ARSJ: variants seen among roughly 807,000 people sequenced by gnomAD.
The protein encoded by ARSJ is arylsulfatase J.
A neutral mutation model predicts 35.9 loss-of-function variants in ARSJ; 26 were observed. The observed-to-expected ratio is 0.72, with a 90% CI of 0.53 to 1.00. The LOEUF (loss-of-function observed/expected upper bound fraction) is 1.00, where lower values mean the gene tolerates loss of function less well. Among genes scored for constraint, ARSJ ranks in the 50% least tolerant of loss-of-function variants. The pLI, the probability that ARSJ is intolerant of heterozygous loss-of-function variation, is 0.00. For missense variants in ARSJ, 667 were observed against 723.6 expected (o/e 0.92, Z 0.90); for synonymous variants, 294 against 267.6 (o/e 1.10, Z -0.96).
Position 113,978,667 on chromosome 4 carries a change from C to T in ARSJ, c.168G>A (p.Gly56=). 6.2e-7 allele frequency: 1 copy of T among 1,614,212 alleles called. No individual in the cohort carries two copies. The highest frequency in any genetic ancestry group is 1.3e-5 in the African/African-American group (1 of 75,064). The stretch of plus-strand genomic sequence containing the variant: ...TCTCTCCAGCTTGAGCTAGTAAGGC[C>T]CCTTCTTCCTCCTCTTCTAAGGCCT... ...WGQALEEEEE[G]ALLAQAGEKL... is the part of the protein sequence containing the mutation. Residue 56 remains glycine, a synonymous_variant, in exon 1 of 2, where the codon GGG becomes GGA. Transcript: ENST00000315366.
chr4:113,905,900 T>A (rs2149248469), intron 1 of ARSJ, among the ~76,000 whole-genome samples: 1 of 152,170 alleles, frequency 6.6e-6, no homozygotes, highest in South Asian at 2.1e-4. Flanking sequence ...ACTTCTGACC[T>A]CAGGTGATTC....
intron 1 of ARSJ, among the ~76,000 whole-genome samples, chr4:113,906,128 AG>A (rs1261825264): frequency 6.6e-6 from 1 of 152,236 alleles, no homozygotes; most frequent in Non-Finnish European, 1.5e-5. Context: ...GGAAACTTGG[AG>A]GAAATTAAAA....
At chr4:113,929,765 C>T (rs1338592536) in intron 1 of ARSJ, among the ~76,000 whole-genome samples, 1 of 152,126 alleles carries the variant, frequency 6.6e-6, no homozygotes, top group Non-Finnish European at 1.5e-5. Context: ...AGCCATGGGA[C>T]AGAATCTCTT....
chr4:113,946,179 T>A (rs1725468036), intron 1 of ARSJ: 3 of 152,096 alleles, frequency 2.0e-5, no homozygotes, highest in Admixed American at 2.0e-4. Context: ...TTTCTAGTTG[T>A]CTTTTTCTTC....
rs775066916 is a variant in ARSJ, at chr4:113,903,432, A to C, written c.642T>G (p.Ser214Arg). ...ACAAGTCATAGCCACACATCCCAGGACTGTCACATTTGTAGTGTGTATAGT... is the reference window on the plus strand; with the variant it reads ...ACAAGTCATAGCCACACATCCCAGGCCTGTCACATTTGTAGTGTGTATAGT... The part of the protein sequence containing the change: ...GDYYTHYKCD[S>R]PGMCGYDLYE... Residue 214 changes from serine to arginine, a missense_variant, in exon 2 of 2, where the codon AGT becomes AGG. Coordinates refer to ENST00000315366, the MANE Select transcript of ARSJ (RefSeq NM_024590.4). 1 of 1,614,038 alleles carries C rather than the reference A, an allele frequency of 6.2e-7. No homozygotes were observed. The highest frequency in any genetic ancestry group is 8.5e-7 in the Non-Finnish European group (1 of 1,180,030).
chr4:113,977,458 C>G (rs1727657365), intron 1 of ARSJ, among the ~76,000 whole-genome samples: 1 of 152,148 alleles, frequency 6.6e-6, no homozygotes, highest in African/African-American at 2.4e-5. Context: ...GGATCCAATT[C>G]CAAGAACAAC....
chr4:113,930,514 G>A (rs1464773110), intron 1 of ARSJ, among the ~76,000 whole-genome samples: 1 of 152,074 alleles, frequency 6.6e-6, no homozygotes, highest in African/African-American at 2.4e-5. Flanking sequence ...CAATCAAACT[G>A]ACACCCCATA....
chr4:113,957,094 C>T (rs1297160900), intron 1 of ARSJ, among the ~76,000 whole-genome samples: 5 of 151,864 alleles, frequency 3.3e-5, no homozygotes, highest in Admixed American at 2.6e-4. Flanking sequence ...TAATCAATGC[C>T]GTTAATAATT....
At chr4:113,936,992 CAA>C (rs1232464468) in intron 1 of ARSJ, among the ~76,000 whole-genome samples, 1 of 151,672 alleles carries the variant, frequency 6.6e-6, no homozygotes, top group African/African-American at 2.4e-5. Context: ...TTGTAAAATT[CAA>C]AAAACACACA....
chr4:113,902,150 C>T lies in ARSJ; in HGVS notation c.*124G>A, dbSNP rs2149245045. 1.9e-6 allele frequency: 3 copies of T among 1,597,820 alleles called. No homozygotes were observed. The East Asian group carries it at 6.7e-5, about 36-fold the overall frequency. ...GGTGGCAGAAGTCTCTGGAGTGGCA[C>T]AGCATGAAAACAAGCCTGACGCTTA... On this transcript the variant is annotated 3_prime_UTR_variant, in exon 2 of 2. Transcript: ENST00000315366.
intron 1 of ARSJ, among the ~76,000 whole-genome samples, chr4:113,936,229 A>C (rs1724758305): frequency 6.6e-6 from 1 of 151,918 alleles, no homozygotes; most frequent in Non-Finnish European, 1.5e-5. Flanking sequence ...CAGAGTGGAG[A>C]AGACAGTAAA....
chr4:113,944,716 G>A (rs943021017), intron 1 of ARSJ, among the ~76,000 whole-genome samples: 1 of 151,942 alleles, frequency 6.6e-6, no homozygotes, highest in African/African-American at 2.4e-5. Flanking sequence ...GTAGAAGAAT[G>A]AGAGTAATAC....
rs2099667627 is a variant in ARSJ at position 113,903,033 on chromosome 4, T to C, written c.1041A>G (p.Thr347=). Residue 347 remains threonine, a synonymous_variant, in exon 2 of 2, where the codon ACA becomes ACG. Transcript: ENST00000315366. ...CAGCCCGGATCCCTCCTTCCCAATA[T>C]GTTCCTTTGCTACCTCTGAGAGGCC... The part of the protein sequence containing the change: ...SNWPLRGSKG[T]YWEGGIRAVG... 2 of 1,614,186 alleles carry C rather than the reference T, an allele frequency of 1.2e-6. No individual in the cohort carries two copies. The highest frequency in any genetic ancestry group is 4.5e-5 in the East Asian group (2 of 44,886).
chr4:113,906,965 T>A (rs916146651), intron 1 of ARSJ, among the ~76,000 whole-genome samples: 1 of 152,228 alleles, frequency 6.6e-6, no homozygotes, highest in African/African-American at 2.4e-5. Flanking sequence ...TCAGATTTTT[T>A]AAGTTCATTT....
intron 1 of ARSJ, among the ~76,000 whole-genome samples, chr4:113,913,891 A>G (rs1404605888): frequency 6.6e-6 from 1 of 152,196 alleles, no homozygotes; most frequent in Non-Finnish European, 1.5e-5. Flanking sequence ...TAAGGAAGAT[A>G]TCCTTAAGTA....
At chr4:113,959,696 GT>G (rs1301283138) in intron 1 of ARSJ, among the ~76,000 whole-genome samples, 3 of 151,850 alleles carry the variant, frequency 2.0e-5, no homozygotes, top group South Asian at 2.1e-4. Flanking sequence ...TATTAAACAT[GT>G]TTTTTTCTTG....
chr4:113,958,931 C>G (rs1331812837), intron 1 of ARSJ, among the ~76,000 whole-genome samples: 1 of 151,952 alleles, frequency 6.6e-6, no homozygotes, highest in Non-Finnish European at 1.5e-5. Flanking sequence ...GATTAAACCC[C>G]GCACGCAGGC....
chr4:113,929,015 C>T lies in ARSJ; in HGVS notation c.399-25340G>A, dbSNP rs376462965. 1.9e-4 allele frequency among the ~76,000 whole-genome samples: 29 copies of T among 152,200 alleles called. No homozygotes were observed. The South Asian group carries it at 3.5e-3, about 19-fold the overall frequency. On this transcript the variant is annotated intron_variant, in intron 1 of 1. Coordinates refer to ENST00000315366, the MANE Select transcript of ARSJ (RefSeq NM_024590.4). ...TAACCAAGCAAATCAACTATTAGAACATTTTTTGACTCATCGAGCTGCAAC... is the reference window on the plus strand; with the variant it reads ...TAACCAAGCAAATCAACTATTAGAATATTTTTTGACTCATCGAGCTGCAAC...
chr4:113,941,961 G>A (rs1725187275), intron 1 of ARSJ, among the ~76,000 whole-genome samples: 1 of 151,872 alleles, frequency 6.6e-6, no homozygotes, highest in South Asian at 2.1e-4. Context: ...GTAGAGGGTG[G>A]AGCAGGTGAC....
Sources: gnomAD v4.1 joint callset for allele counts (sites outside exome capture counted in the v4.1 genomes callset) on GRCh38, gnomAD v4.1.1 for gene constraint, MANE v1.5 for transcripts, NCBI Gene and HGNC (gene_info 2026-07-23, HGNC 2026-07-21) for gene names.